The following SGCA variants were observed in gnomAD, a reference collection of about 807,000 sequenced individuals.
SGCA encodes the protein sarcoglycan alpha, also known as alpha-sarcoglycan.
A neutral mutation model predicts 38.1 loss-of-function variants in SGCA; 34 were observed. The observed-to-expected ratio is 0.89, with a 90% CI of 0.68 to 1.19. The LOEUF (loss-of-function observed/expected upper bound fraction) is 1.19, where lower values mean the gene tolerates loss of function less well. Ranked by LOEUF, SGCA falls within the 50% of genes most tolerant of loss-of-function variation. SGCA has a pLI of 0.00. For missense variants in SGCA, 476 were observed against 524.9 expected (o/e 0.91, Z 0.91); for synonymous variants, 209 against 214.6 (o/e 0.97, Z 0.23).
chr17:50,166,874 C>T (rs1250297296), intron 1 of SGCA, among the ~76,000 whole-genome samples: 15 of 68,790 alleles, frequency 2.2e-4, no homozygotes, highest in Non-Finnish European at 3.9e-4. Flanking sequence ...CCCCCACATA[C>T]CCCCACATAC....
chr17:50,166,674 A>C (rs1449564167), intron 1 of SGCA, among the ~76,000 whole-genome samples: 1 of 138,546 alleles, frequency 7.2e-6, no homozygotes, highest in African/African-American at 2.7e-5. Flanking sequence ...ACACACACAC[A>C]CACCCACACA....
In SGCA at chr17:50,175,704, T is replaced by C; in HGVS notation, c.*13-8T>C. ...GCCCTCTCAGCCCTCCACTCTCTCT[T>C]CCCACAGTGGTTCCAGGTCCAGCCC... On this transcript the variant is annotated splice_polypyrimidine_tract_variant and splice_region_variant and intron_variant, in intron 9 of 9. Coordinates refer to ENST00000262018, the MANE Select transcript of SGCA (RefSeq NM_000023.4). 1.6e-6 allele frequency: 1 copy of C among 644,624 alleles called. No individual in the cohort carries two copies. Among genetic ancestry groups the C allele is most frequent in the South Asian group, 1.5e-5 (1 of 66,218 alleles). The allele number at this position is 644,624 out of a possible 1,614,324, so 39.9% of individuals were successfully genotyped here.
At chr17:50,172,852 C>T (rs1015341569) in intron 8 of SGCA, among the ~76,000 whole-genome samples, 2 of 152,222 alleles carry the variant, frequency 1.3e-5, no homozygotes, top group Non-Finnish European at 2.9e-5. Flanking sequence ...ACTTTCTATA[C>T]AAAGCAGTTA....
chr17:50,169,345 C>T, intron 6 of SGCA, 91 bp downstream of exon 6: 1 of 1,137,938 alleles, frequency 8.8e-7, no homozygotes, highest in Non-Finnish European at 1.3e-6. Context: ...ATCTCCGTCT[C>T]TCTGATTGCT....
chr17:50,172,769 G>A (rs1212142492), intron 8 of SGCA, among the ~76,000 whole-genome samples: 2 of 152,158 alleles, frequency 1.3e-5, no homozygotes, highest in African/African-American at 4.8e-5. Context: ...TTTTTATGGG[G>A]AATATAGTTT....
chr17:50,169,555 A>G, intron 6 of SGCA: 1 of 454,876 alleles, frequency 2.2e-6, no homozygotes, highest in Non-Finnish European at 4.0e-6. Flanking sequence ...GCTATATCAC[A>G]GTCCAGTTCC....
At chr17:50,173,181 T>A (rs12451943) in intron 8 of SGCA, among the ~76,000 whole-genome samples, 5 of 152,284 alleles carry the variant, frequency 3.3e-5, no homozygotes, top group African/African-American at 1.2e-4. Flanking sequence ...CGTTGATGTA[T>A]TTCTACAAAA....
At chr17:50,171,713 C>T (rs1198575311) in intron 8 of SGCA, 10 of 456,728 alleles carry the variant, frequency 2.2e-5, no homozygotes, top group South Asian at 4.6e-5. Context: ...GCCCCCCTGC[C>T]GGTCACCTGC....
chr17:50,171,937 A>G (rs887389777), intron 8 of SGCA: 2 of 456,686 alleles, frequency 4.4e-6, no homozygotes, highest in Admixed American at 2.3e-5. Flanking sequence ...CTGTCTTGCT[A>G]GGGACACGCT....
intron 8 of SGCA, among the ~76,000 whole-genome samples, chr17:50,173,212 A>G (rs529321873): frequency 5.3e-5 from 8 of 152,302 alleles, no homozygotes; most frequent in African/African-American, 1.4e-4. Flanking sequence ...CACTTGTTCA[A>G]TGTCTGCCAC....
chr17:50,171,945 G>A (rs560343826), intron 8 of SGCA: 47 of 456,738 alleles, frequency 1.0e-4, no homozygotes, highest in South Asian at 7.0e-4. Context: ...CTAGGGACAC[G>A]CTGCCCTGCT....
chr17:50,172,047 T>G (rs1470771006), intron 8 of SGCA: 1 of 454,962 alleles, frequency 2.2e-6, no homozygotes, highest in Non-Finnish European at 4.4e-6. Flanking sequence ...GTAGGTGAAG[T>G]GTCTTGGGTG....
intron 8 of SGCA, among the ~76,000 whole-genome samples, chr17:50,173,499 G>A (rs552098815): frequency 2.0e-5 from 3 of 152,274 alleles, no homozygotes; most frequent in East Asian, 1.9e-4. Context: ...AAGCCACTGC[G>A]GGGTCTGGCC....
Position 50,168,515 on chromosome 17 carries a change from C to T in SGCA, c.527C>T (p.Thr176Ile). The T allele has an allele frequency of 6.3e-7, 1 of 1,580,214 alleles. No individual in the cohort carries two copies. Among genetic ancestry groups the T allele is most frequent in the Non-Finnish European group, 8.6e-7 (1 of 1,162,528 alleles). ...GGAGAGCTTCAGCTGCTCAACGTCA[C>T]CTCTGCCTTGGACCGTGGGGGCCGT... ...EPGELQLLNV[T>I]SALDRGGRVP... Residue 176 changes from threonine (T) to isoleucine (I), a missense_variant, in exon 5 of 10, where the codon ACC becomes ATC. Transcript: ENST00000262018.
intron 8 of SGCA, among the ~76,000 whole-genome samples, 160 bp downstream of exon 8, chr17:50,170,826 G>C (rs906942477): frequency 1.3e-5 from 2 of 152,230 alleles, no homozygotes; most frequent in Non-Finnish European, 2.9e-5. Context: ...TTGGGAGGCT[G>C]AGGTGGGAGG....
chr17:50,175,034 T>C (rs2144511328), intron 8 of SGCA: 1 of 591,378 alleles, frequency 1.7e-6, no homozygotes, highest in East Asian at 3.0e-5. Flanking sequence ...TGACCTCAAG[T>C]GATCTGCCTG....
At chr17:50,168,279 G>A (rs945636994) in intron 4 of SGCA, 95 bp from the exon 5 acceptor site, 2 of 1,086,788 alleles carry the variant, frequency 1.8e-6, no homozygotes, top group Non-Finnish European at 2.7e-6. Flanking sequence ...GGGGCCTGAA[G>A]GGGTGTGCAG....
chr17:50,173,588 G>A lies in SGCA; in HGVS notation c.984-1669G>A, dbSNP rs536305091. Among the ~76,000 whole-genome samples, 3 of 152,294 alleles carry A rather than the reference G, an allele frequency of 2.0e-5. No individual in the cohort carries two copies. The South Asian group carries it at 6.2e-4, about 32-fold the overall frequency. ...CCAGAGTAATGAGGTCCAGATGTGG[G>A]GCTGGGAATAAGGAGGGGGCCCACT... On this transcript the variant is annotated intron_variant, in intron 8 of 9. Coordinates refer to ENST00000262018, the MANE Select transcript of SGCA (RefSeq NM_000023.4).
rs765231848 is a variant in SGCA at position 50,167,513 on chromosome 17, C to T, written c.157+26C>T. The T allele has an allele frequency of 2.1e-5, 34 of 1,613,988 alleles. No homozygotes were observed. The highest frequency in any genetic ancestry group is 2.7e-5 in the African/African-American group (2 of 74,916). ...GTGAGCGGCCTGACAGGCACCCAGG[C>T]GGGCGGGCTGGGGTGTACCCCGCAG... is the stretch of plus-strand genomic sequence containing the variant. On this transcript the variant is annotated intron_variant, in intron 2 of 9. Transcript: ENST00000262018. The surrounding 1 kb of genome is among the most constrained non-coding windows in gnomAD (Gnocchi z 4.5).
Sources: gnomAD v4.1 joint callset for allele counts (sites outside exome capture counted in the v4.1 genomes callset) on GRCh38, gnomAD v4.1.1 for gene constraint, Gnocchi (gnomAD v3.1) non-coding constraint, MANE v1.5 for transcripts, NCBI Gene and HGNC (gene_info 2026-07-23, HGNC 2026-07-21) for gene names.